NELL1: variants seen among roughly 807,000 people sequenced by gnomAD.
The protein encoded by NELL1 is protein kinase C-binding protein NELL1.
In NELL1, 76 loss-of-function variants were observed where a neutral mutation model predicts 107.4. The ratio of observed to expected loss-of-function variants is 0.71; its 90% CI spans 0.59 to 0.86. NELL1 has a LOEUF of 0.86. NELL1 is among the 40% of genes least tolerant of loss of function. NELL1 has a pLI of 0.00. For missense variants in NELL1, 1,024 were observed against 1,005.5 expected, an observed-to-expected ratio of 1.02 and a Z score of -0.25; for synonymous variants, 353 against 341.2, an observed-to-expected ratio of 1.03 and a Z score of -0.38.
intron 3 of NELL1, among the ~76,000 whole-genome samples, chr11:20,825,462 G>A (rs1338361656): frequency 4.6e-5 from 7 of 151,436 alleles, no homozygotes; most frequent in Non-Finnish European, 1.0e-4. Flanking sequence ...GTTGCCCAAG[G>A]CCATGGGAGT....
chr11:20,710,321 T>G (rs141494998), intron 2 of NELL1, among the ~76,000 whole-genome samples: 1 of 152,230 alleles, frequency 6.6e-6, no homozygotes, highest in Non-Finnish European at 1.5e-5. Context: ...TATATTTGTT[T>G]CTAATTGTCT....
chr11:21,405,716 A>G lies in NELL1; in HGVS notation c.1645+34768A>G, dbSNP rs903150762. 5.3e-5 allele frequency among the ~76,000 whole-genome samples: 8 copies of G among 151,982 alleles called. 1 individual carries two copies. Among genetic ancestry groups the G allele is most frequent in the Admixed American group, 5.2e-4 (8 of 15,246 alleles). ...ATGCTGCTTTAAAATTGATTTCTCA[A>G]TGTGTTGAAAGACCCTTGACCTGGT... is the stretch of plus-strand genomic sequence containing the variant. On this transcript the variant is annotated intron_variant, in intron 15 of 19. Transcript: ENST00000357134.
chr11:21,061,057 A>T (rs1853730102), intron 12 of NELL1, among the ~76,000 whole-genome samples: 1 of 152,132 alleles, frequency 6.6e-6, no homozygotes. Flanking sequence ...TTTTATGCCT[A>T]AAGGGACTTT....
intron 14 of NELL1, among the ~76,000 whole-genome samples, chr11:21,330,210 A>T (rs9919528): frequency 0.49 from 74,807 of 151,930 alleles, 18,940 homozygotes; most frequent in Admixed American, 0.62. Flanking sequence ...AACAATACAA[A>T]TGCATACACA....
rs34418018 is a variant in NELL1 at position 21,498,333 on chromosome 11, T to TTATATATATATATATATATA, written c.1646-36027_1646-36026insTATATATATATATATATATA. 1.7e-4 allele frequency among the ~76,000 whole-genome samples: 19 copies of TTATATATATATATATATATA among 113,742 alleles called. No individual in the cohort carries two copies. The East Asian group carries it at 3.6e-3, about 22-fold the overall frequency. 74.6% of individuals were successfully genotyped at this position (113,742 alleles called of 152,430 possible). ...ATTTTGCTACACATCCATAAACATA[T>TTATATATATATATATATATA]TATATATATATATACATATATATAT... On this transcript the variant is annotated intron_variant, in intron 15 of 19. Transcript: ENST00000357134.
At chr11:20,879,245 C>T (rs1243156213) in intron 4 of NELL1, among the ~76,000 whole-genome samples, 1 of 152,136 alleles carries the variant, frequency 6.6e-6, no homozygotes, top group Non-Finnish European at 1.5e-5. Flanking sequence ...GCTACCGTGT[C>T]ACATGCTGAA....
intron 2 of NELL1, among the ~76,000 whole-genome samples, chr11:20,678,296 A>G (rs1332662118): frequency 6.6e-6 from 1 of 152,166 alleles, no homozygotes; most frequent in Non-Finnish European, 1.5e-5. Context: ...TTTGGTGAGG[A>G]TCTAAAGTGG....
chr11:20,998,103 C>T (rs899032810), intron 12 of NELL1, among the ~76,000 whole-genome samples: 7 of 152,116 alleles, frequency 4.6e-5, no homozygotes, highest in Admixed American at 4.6e-4. Context: ...AAATTGTTAA[C>T]ATTTTCCATC....
intron 2 of NELL1, among the ~76,000 whole-genome samples, chr11:20,724,767 C>T (rs1855471383): frequency 6.6e-6 from 1 of 152,210 alleles, no homozygotes; most frequent in African/African-American, 2.4e-5. Context: ...GTCCCTTCCA[C>T]ATTTTCAGTT....
chr11:21,550,141 C>T (rs1856541089), intron 16 of NELL1, among the ~76,000 whole-genome samples: 1 of 151,898 alleles, frequency 6.6e-6, no homozygotes, highest in African/African-American at 2.4e-5. Context: ...CTTTTCCAGG[C>T]AGAAACTTTT....
At chr11:21,271,920 T>C (rs1434398103) in intron 14 of NELL1, among the ~76,000 whole-genome samples, 4 of 152,082 alleles carry the variant, frequency 2.6e-5, no homozygotes, top group Non-Finnish European at 4.4e-5. Flanking sequence ...CATTTGACAG[T>C]GTGGAGCCAA....
chr11:21,572,839 G>A (rs568270160), intron 18 of NELL1, among the ~76,000 whole-genome samples: 1 of 151,896 alleles, frequency 6.6e-6, no homozygotes, highest in South Asian at 2.1e-4. Context: ...TAAACATGAT[G>A]GAGAGAAAGT....
intron 13 of NELL1, among the ~76,000 whole-genome samples, chr11:21,153,530 C>T (rs935214317): frequency 6.6e-6 from 1 of 152,100 alleles, no homozygotes; most frequent in African/African-American, 2.4e-5. Flanking sequence ...GAATGTTTGC[C>T]GTGATGGAGC....
At chr11:21,101,414 A>G (rs1288287505) in intron 12 of NELL1, among the ~76,000 whole-genome samples, 4 of 152,226 alleles carry the variant, frequency 2.6e-5, no homozygotes, top group African/African-American at 9.6e-5. Flanking sequence ...GAAATGCCAC[A>G]CTGACTTCCA....
intron 2 of NELL1, among the ~76,000 whole-genome samples, chr11:20,762,366 C>T (rs762492228): frequency 1.2e-4 from 19 of 152,130 alleles, no homozygotes; most frequent in African/African-American, 3.9e-4. Flanking sequence ...AGCACGTCTG[C>T]GGTTACGGAT....
chr11:21,554,895 T>G (rs1856669828), intron 16 of NELL1, among the ~76,000 whole-genome samples: 1 of 151,904 alleles, frequency 6.6e-6, no homozygotes, highest in Non-Finnish European at 1.5e-5. Context: ...AGGAACTCCC[T>G]CAGTGCCAGG....
At chr11:21,164,096 C>A (rs1168415047) in intron 13 of NELL1, among the ~76,000 whole-genome samples, 1 of 152,100 alleles carries the variant, frequency 6.6e-6, no homozygotes, top group Non-Finnish European at 1.5e-5. Flanking sequence ...CCTGTGCGCA[C>A]CTTGATCTTA....
intron 15 of NELL1, among the ~76,000 whole-genome samples, chr11:21,410,601 T>G (rs978951067): frequency 6.6e-6 from 1 of 152,100 alleles, no homozygotes; most frequent in African/African-American, 2.4e-5. Flanking sequence ...TGATTTGTTA[T>G]ATGTGTGGAT....
intron 14 of NELL1, among the ~76,000 whole-genome samples, chr11:21,234,905 T>C (rs368410410): frequency 2.6e-5 from 4 of 152,158 alleles, no homozygotes; most frequent in South Asian, 4.1e-4. Context: ...ACAGGCAATA[T>C]GAGAGAAAGG....
Sources: gnomAD v4.1 joint callset for allele counts (sites outside exome capture counted in the v4.1 genomes callset) on GRCh38, gnomAD v4.1.1 for gene constraint, MANE v1.5 for transcripts, NCBI Gene and HGNC (gene_info 2026-07-23, HGNC 2026-07-21) for gene names.